DHX35: variants seen among roughly 807,000 people sequenced by gnomAD.
DHX35 encodes probable ATP-dependent RNA helicase DHX35.
Under a neutral mutation model 99.6 loss-of-function variants are expected in DHX35, and 84 were observed. That is an observed-to-expected ratio of 0.84 (90% CI 0.71 to 1.01). The LOEUF (loss-of-function observed/expected upper bound fraction) is 1.01. DHX35 is among the 50% of genes least tolerant of loss of function. DHX35 has a pLI of 0.00. For missense variants in DHX35, 852 were observed against 888.5 expected (o/e 0.96, Z 0.52); for synonymous variants, 331 against 316.2 (o/e 1.05, Z -0.50).
rs563470550 is a variant in DHX35, at chr20:39,013,100, T to C, written c.1348-1780T>C. Among the ~76,000 whole-genome samples, 9 of 152,090 alleles carry C rather than the reference T, an allele frequency of 5.9e-5. No homozygotes were observed. In the East Asian group the frequency reaches 1.7e-3, roughly 29 times the overall value. The stretch of plus-strand genomic sequence containing the variant: ...ATTTAAAAATATAAATAATGAAAAT[T>C]ATCGTAAAACTTTTGGACAGTTGAA... On this transcript the variant is annotated intron_variant, in intron 13 of 21. Coordinates refer to ENST00000252011, the MANE Select transcript of DHX35 (RefSeq NM_021931.4).
Position 39,039,270 on chromosome 20 carries a change from G to A in DHX35, c.*727G>A, listed in dbSNP as rs2087207635. 1 of 152,760 alleles carries A rather than the reference G, an allele frequency of 6.5e-6. No homozygotes were observed. Among genetic ancestry groups the A allele is most frequent in the Non-Finnish European group, 1.5e-5 (1 of 68,120 alleles). 9.5% of individuals were successfully genotyped at this position (152,760 alleles called of 1,614,324 possible). A position where few individuals can be genotyped will look rare whatever the true frequency, so the allele number is the denominator to read the frequency against. On this transcript the variant is annotated 3_prime_UTR_variant, in exon 22 of 22. Coordinates refer to ENST00000252011, the MANE Select transcript of DHX35 (RefSeq NM_021931.4). ...CAGGTCCTGGTGCCACGCTAGCTGA[G>A]CACTCAGGAGAGTTCATCAGCTCAG...
rs559138383 is a variant in DHX35 at position 39,000,988 on chromosome 20, C to T, written c.643-742C>T. ...TTCCCCAAGAGAGGATCTTTGGTGG[C>T]GTTTCCTTCCCCCATCATTGGCTGG... On this transcript the variant is annotated intron_variant, in intron 8 of 21. Coordinates refer to ENST00000252011, the MANE Select transcript of DHX35 (RefSeq NM_021931.4). 8.5e-5 allele frequency among the ~76,000 whole-genome samples: 13 copies of T among 152,240 alleles called. No homozygotes were observed. In the East Asian group the frequency reaches 2.3e-3, roughly 27 times the overall value.
Position 39,021,885 on chromosome 20 carries a change from A to T in DHX35, c.1543A>T (p.Met515Leu). 2 of 1,614,198 alleles carry T rather than the reference A, an allele frequency of 1.2e-6. No homozygotes were observed. Among genetic ancestry groups the T allele is most frequent in the South Asian group, 1.1e-5 (1 of 91,080 alleles). ...GGAAATTCTAAGCATCGCTGCCATG[A>T]TGCAGATCCAGAATATCTTTGTGGT... Reference protein sequence around the residue: ...SQEILSIAAMMQIQNIFVVPP... With the variant: ...SQEILSIAAMLQIQNIFVVPP... Residue 515 changes from methionine to leucine, a missense_variant, in exon 16 of 22, where the codon ATG becomes TTG. Physicochemically the swap from Met to Leu is conservative, Grantham distance 15. Coordinates refer to ENST00000252011, the MANE Select transcript of DHX35 (RefSeq NM_021931.4).
intron 4 of DHX35, among the ~76,000 whole-genome samples, chr20:38,987,878 T>G (rs1413151756): frequency 1.3e-5 from 2 of 152,210 alleles, no homozygotes; most frequent in African/African-American, 4.8e-5. Context: ...CCCCTCTCAG[T>G]GGCTTTGGCA....
intron 18 of DHX35, 89 bp from the exon 19 acceptor site, chr20:39,028,329 G>A (rs2086990485): frequency 8.5e-6 from 11 of 1,291,962 alleles, no homozygotes; most frequent in South Asian, 8.3e-5. Context: ...AGCCTGGGGT[G>A]GTGCTGGGAG....
chr20:39,002,972 T>C (rs2086546401), intron 10 of DHX35, 104 bp downstream of exon 10: 1 of 1,011,046 alleles, frequency 9.9e-7, no homozygotes, highest in Admixed American at 2.6e-5. Context: ...TGTTTTGTTG[T>C]ATTTTGTGGT....
Position 39,038,723 on chromosome 20 carries a change from T to C in DHX35, c.*180T>C. On this transcript the variant is annotated 3_prime_UTR_variant, in exon 22 of 22. Coordinates refer to ENST00000252011, the MANE Select transcript of DHX35 (RefSeq NM_021931.4). The stretch of plus-strand genomic sequence containing the variant: ...CTGCCCACAGCATTTGCATCCTTGC[T>C]GGGATCCTGGAGGACTTTGTGCATG... 1 of 640,234 alleles carries C rather than the reference T, an allele frequency of 1.6e-6. No homozygotes were observed. The highest frequency in any genetic ancestry group is 2.7e-6 in the Non-Finnish European group (1 of 371,828). 39.7% of individuals were successfully genotyped at this position (640,234 alleles called of 1,614,324 possible).
intron 3 of DHX35, among the ~76,000 whole-genome samples, chr20:38,980,863 T>C (rs1457541490): frequency 6.6e-6 from 1 of 152,184 alleles, no homozygotes; most frequent in East Asian, 1.9e-4. Flanking sequence ...TGCATTTAGT[T>C]GTTGTTTCTC....
In DHX35 at chr20:39,023,725, C is replaced by T. The variant is rs770729956; in HGVS notation, c.1629C>T (p.Gly543=). 11 of 1,613,794 alleles carry T rather than the reference C, an allele frequency of 6.8e-6. No individual in the cohort carries two copies. The highest frequency in any genetic ancestry group is 4.5e-5 in the East Asian group (2 of 44,882). Residue 543 remains glycine, a synonymous_variant, in exon 17 of 22, where the codon GGC becomes GGT. Transcript: ENST00000252011. ...ACCGTAAATTTGCTGTGGAGGAGGG[C>T]GACCACCTCACTATGCTCAATATAT... The part of the protein sequence containing the change: ...RVHRKFAVEE[G]DHLTMLNIYE...
intron 15 of DHX35, among the ~76,000 whole-genome samples, chr20:39,019,635 C>G (rs1228144292): frequency 6.6e-6 from 1 of 152,122 alleles, no homozygotes; most frequent in Non-Finnish European, 1.5e-5. Context: ...ATGTTTTAAT[C>G]TATGTACACA....
In DHX35 at chr20:39,006,136, G is replaced by A; in HGVS notation, c.1012-10G>A. 1 of 1,604,666 alleles carries A rather than the reference G, an allele frequency of 6.2e-7. No individual in the cohort carries two copies. The highest frequency in any genetic ancestry group is 1.1e-5 in the South Asian group (1 of 90,602). On this transcript the variant is annotated splice_polypyrimidine_tract_variant and intron_variant, in intron 11 of 21. Transcript: ENST00000252011. ...AATGAGTTTTATTCTTCTTTCTGTG[G>A]GGAACGTAGGTGATAGTGGCCACCA... is the stretch of plus-strand genomic sequence containing the variant.
intron 4 of DHX35, among the ~76,000 whole-genome samples, chr20:38,985,226 A>G (rs1177813655): frequency 6.6e-6 from 1 of 152,058 alleles, no homozygotes; most frequent in Non-Finnish European, 1.5e-5. Flanking sequence ...CTACAAAACA[A>G]TTTTTAAAAA....
intron 3 of DHX35, among the ~76,000 whole-genome samples, chr20:38,974,289 A>G (rs1172732253): frequency 6.6e-6 from 1 of 152,224 alleles, no homozygotes; most frequent in African/African-American, 2.4e-5. Context: ...GTCCTCAACC[A>G]AGAGGTGATA....
At chr20:38,966,646 G>A (rs747876165) in intron 1 of DHX35, among the ~76,000 whole-genome samples, 2 of 152,220 alleles carry the variant, frequency 1.3e-5, no homozygotes, top group East Asian at 1.9e-4. Flanking sequence ...TCCAGCCTGA[G>A]CAACAGAGAC....
chr20:39,006,331 G>C lies in DHX35; in HGVS notation c.1197G>C (p.Ser399=). 1 of 1,614,098 alleles carries C rather than the reference G, an allele frequency of 6.2e-7. No individual in the cohort carries two copies. ...CAGGACGTGGTGGTCGTAGTCGCTCGGGAAAATGTTATCGCCTTTATACAG... is the reference window on the plus strand; with the variant it reads ...CAGGACGTGGTGGTCGTAGTCGCTCCGGAAAATGTTATCGCCTTTATACAG... ...QRAGRGGRSR[S]GKCYRLYTEE... Residue 399 remains serine (S), a synonymous_variant, in exon 12 of 22, where the codon TCG becomes TCC. Coordinates refer to ENST00000252011, the MANE Select transcript of DHX35 (RefSeq NM_021931.4).
chr20:38,998,260 T>C (rs551499664), intron 8 of DHX35, among the ~76,000 whole-genome samples: 1 of 152,366 alleles, frequency 6.6e-6, no homozygotes, highest in Admixed American at 6.5e-5. Flanking sequence ...GTAGCTCCCA[T>C]AGTTTTTTTG....
intron 8 of DHX35, among the ~76,000 whole-genome samples, chr20:38,996,521 A>C (rs951562934): frequency 2.6e-5 from 4 of 152,216 alleles, no homozygotes; most frequent in African/African-American, 9.6e-5. Flanking sequence ...CAGTGACTTC[A>C]TCATGTTTGA....
chr20:38,971,996 TTTG>T (rs1228611481), intron 2 of DHX35, among the ~76,000 whole-genome samples: 5 of 139,026 alleles, frequency 3.6e-5, no homozygotes, highest in Non-Finnish European at 6.2e-5. Flanking sequence ...TTTTTTTTGT[TTTG>T]TTTTGTTTTT....
intron 3 of DHX35, among the ~76,000 whole-genome samples, chr20:38,981,979 A>G (rs973416053): frequency 7.9e-5 from 12 of 151,042 alleles, no homozygotes; most frequent in Non-Finnish European, 1.5e-4. Context: ...CATGATCCGG[A>G]TGCTAGAGTG....
Sources: gnomAD v4.1 joint callset for allele counts (sites outside exome capture counted in the v4.1 genomes callset) on GRCh38, gnomAD v4.1.1 for gene constraint, MANE v1.5 for transcripts, NCBI Gene and HGNC (gene_info 2026-07-23, HGNC 2026-07-21) for gene names.